Variants in ZNF571 observed in about 807,000 individuals in gnomAD.
ZNF571 encodes zinc finger protein 571.
In ZNF571, 4 loss-of-function variants were observed where a neutral mutation model predicts 7.7. The ratio of observed to expected loss-of-function variants is 0.52; its 90% CI spans 0.25 to 1.18. The LOEUF (loss-of-function observed/expected upper bound fraction) is 1.18, where lower values mean the gene tolerates loss of function less well. Among genes scored for constraint, ZNF571 ranks in the 50% most tolerant of loss-of-function variants. ZNF571 has a pLI of 0.14. For synonymous variants in ZNF571, 251 were observed against 232.4 expected (o/e 1.08, Z -0.73); for missense variants, 704 against 726.9 (o/e 0.97, Z 0.36).
chr19:37,578,925 A>G (rs1005041944), intron 3 of ZNF571, among the ~76,000 whole-genome samples: 13 of 152,110 alleles, frequency 8.5e-5, no homozygotes, highest in African/African-American at 3.1e-4. Flanking sequence ...CTAAACAGTG[A>G]AGTTCGGCAT....
In ZNF571 at chr19:37,565,622, TGAA is replaced by T; in HGVS notation, c.803_805del (p.Leu268del). The T allele has an allele frequency of 1.2e-6, 2 of 1,613,516 alleles. No individual in the cohort carries two copies. The highest frequency in any genetic ancestry group is 1.7e-6 in the Non-Finnish European group (2 of 1,179,818). On this transcript the variant is annotated inframe_deletion, in exon 4 of 4. Transcript: ENST00000451802. Reference sequence around the variant, plus strand: ...TTTTTCACCACTATGAATTCTCTGATGAAGAGTATATTGTGAACAATAACTAAA... The same window carrying T: ...TTTTTCACCACTATGAATTCTCTGATGAGTATATTGTGAACAATAACTAAA...
rs531051233 is a variant in ZNF571, at chr19:37,578,179, T to C, written c.136+5792A>G. Among the ~76,000 whole-genome samples, 5 of 152,250 alleles carry C rather than the reference T, an allele frequency of 3.3e-5. No homozygotes were observed. The South Asian group carries it at 8.3e-4, about 25-fold the overall frequency. ...CCCCACTCCCCACGGCCAGAAATAC[T>C]GTGTTCCATGAAACCAGTCCCTGGT... On this transcript the variant is annotated intron_variant, in intron 3 of 3. Coordinates refer to ENST00000451802, the MANE Select transcript of ZNF571 (RefSeq NM_016536.5).
intron 2 of ZNF571, chr19:37,585,689 A>G (rs990641605): frequency 6.6e-6 from 1 of 152,196 alleles, no homozygotes; most frequent in Non-Finnish European, 1.5e-5. Context: ...CTCATCTCTT[A>G]AACTTTCAAG....
intron 1 of ZNF571, among the ~76,000 whole-genome samples, chr19:37,587,591 TC>T (rs1428942330): frequency 7.3e-6 from 1 of 136,894 alleles, no homozygotes; most frequent in African/African-American, 2.5e-5. Flanking sequence ...GTAGCACTGA[TC>T]TTTTTTTTTT....
At chr19:37,580,055 G>T (rs1406037789) in intron 3 of ZNF571, among the ~76,000 whole-genome samples, 2 of 152,152 alleles carry the variant, frequency 1.3e-5, no homozygotes, top group African/African-American at 4.8e-5. Flanking sequence ...TATATTTACA[G>T]CACGGATAGA....
Position 37,565,560 on chromosome 19 carries a change from G to C in ZNF571, c.868C>G (p.Leu290Val). 6.2e-7 allele frequency: 1 copy of C among 1,612,730 alleles called. No individual in the cohort carries two copies. Among genetic ancestry groups the C allele is most frequent in the Non-Finnish European group, 8.5e-7 (1 of 1,179,658 alleles). ...ECKDCGKAFI[L>V]GSQLTYHQRI... ...TGATGGTAAGTAAGTTGAGAGCCAA[G>C]AATAAAGGCCTTCCCACAATCCTTA... Residue 290 changes from leucine to valine, a missense_variant, in exon 4 of 4, where the codon CTT (leucine) becomes GTT (valine). Leu to Val is a conservative substitution (Grantham distance 32, BLOSUM62 1). Transcript: ENST00000451802.
rs765301171 is a variant in ZNF571, at chr19:37,564,822, C to T, written c.1606G>A (p.Gly536Arg). 3 of 1,613,962 alleles carry T rather than the reference C, an allele frequency of 1.9e-6. No individual in the cohort carries two copies. The East Asian group carries it at 6.7e-5, about 36-fold the overall frequency. ...TGTGAGCCACGAATAAAAGCCTTCC[C>T]ACACTGTTTACATTCATAAGGTTTT... ...GEKPYECKQCGKAFIRGSHLT... is the reference protein window; with the variant it reads ...GEKPYECKQCRKAFIRGSHLT... Residue 536 changes from glycine (G) to arginine (R), a missense_variant, in exon 4 of 4, where the codon GGG becomes AGG. Coordinates refer to ENST00000451802, the MANE Select transcript of ZNF571 (RefSeq NM_016536.5).
intron 1 of ZNF571, among the ~76,000 whole-genome samples, chr19:37,591,232 C>T (rs181774731): frequency 3.3e-5 from 5 of 152,296 alleles, no homozygotes; most frequent in African/African-American, 1.2e-4. Flanking sequence ...AGAAATGGCT[C>T]ATTTCAGGGC....
intron 3 of ZNF571, among the ~76,000 whole-genome samples, chr19:37,580,669 GCT>G (rs2043424603): frequency 6.6e-6 from 1 of 152,012 alleles, no homozygotes; most frequent in African/African-American, 2.4e-5. Flanking sequence ...CTGAGCTCTC[GCT>G]CTACTAGTTC....
chr19:37,592,087 G>A (rs1354107059), intron 1 of ZNF571, among the ~76,000 whole-genome samples: 4 of 151,582 alleles, frequency 2.6e-5, no homozygotes, highest in African/African-American at 9.7e-5. Flanking sequence ...GTGAAACCCC[G>A]TCTCTACTAA....
At chr19:37,578,126 C>T (rs1196685500) in intron 3 of ZNF571, among the ~76,000 whole-genome samples, 1 of 152,132 alleles carries the variant, frequency 6.6e-6, no homozygotes, top group Non-Finnish European at 1.5e-5. Context: ...CAGTTTCATC[C>T]CCAAACCAGT....
At chr19:37,581,617 A>G (rs2043468474) in intron 3 of ZNF571, among the ~76,000 whole-genome samples, 1 of 151,986 alleles carries the variant, frequency 6.6e-6, no homozygotes, top group Non-Finnish European at 1.5e-5. Context: ...GGCATGTGAC[A>G]TAATGCCCTG....
Position 37,564,510 on chromosome 19 carries a change from A to C in ZNF571, c.*88T>G, listed in dbSNP as rs1308438841. 4 of 1,284,524 alleles carry C rather than the reference A, an allele frequency of 3.1e-6. No individual in the cohort carries two copies. The highest frequency in any genetic ancestry group is 4.1e-6 in the Non-Finnish European group (4 of 972,300). 79.6% of individuals were successfully genotyped at this position (1,284,524 alleles called of 1,614,324 possible). ...ATGTAGGCCTTCTAAGAATGAGCAG[A>C]TTCTGAGCAGAAGCAAGATGTTCTA... is the stretch of plus-strand genomic sequence containing the variant. On this transcript the variant is annotated 3_prime_UTR_variant, in exon 4 of 4. Coordinates refer to ENST00000451802, the MANE Select transcript of ZNF571 (RefSeq NM_016536.5).
intron 3 of ZNF571, chr19:37,575,719 G>C (rs911286874): frequency 6.6e-6 from 1 of 152,196 alleles, no homozygotes; most frequent in Non-Finnish European, 1.5e-5. Context: ...ACACATCACT[G>C]TGATGGTGTC....
chr19:37,574,840 G>A (rs1313814326), intron 3 of ZNF571, among the ~76,000 whole-genome samples: 1 of 152,104 alleles, frequency 6.6e-6, no homozygotes, highest in Non-Finnish European at 1.5e-5. Context: ...AGTAATCTCA[G>A]TAACAATAAA....
At position 37,565,781 on chromosome 19, in the gene ZNF571, A is replaced by C. The variant is rs750836607; in HGVS notation, c.647T>G (p.Ile216Ser). The stretch of plus-strand genomic sequence containing the variant: ...CTGATAAGGTTTTTCATTAGTATGA[A>C]TTTTCTGATGTTGAATGAGATCAGA... ...RTSDLIQHQK[I>S]HTNEKPYQCN... The change falls in exon 4 of 4, where the codon ATT becomes AGT. Residue 216 changes from isoleucine to serine, a missense_variant. Ile to Ser is a moderately radical substitution (Grantham distance 142, BLOSUM62 -2). Coordinates refer to ENST00000451802, the MANE Select transcript of ZNF571 (RefSeq NM_016536.5). The C allele has an allele frequency of 6.2e-6, 10 of 1,613,592 alleles. No individual in the cohort carries two copies. Among genetic ancestry groups the C allele is most frequent in the Non-Finnish European group, 2.5e-6 (3 of 1,179,858 alleles).
intron 1 of ZNF571, among the ~76,000 whole-genome samples, chr19:37,590,892 C>T (rs116078960): frequency 6.6e-6 from 1 of 152,236 alleles, no homozygotes; most frequent in East Asian, 1.9e-4. Flanking sequence ...AAAATGCATT[C>T]TCTATCTTAA....
At chr19:37,583,802 G>A in intron 3 of ZNF571, 169 bp downstream of exon 3, 2 of 595,516 alleles carry the variant, frequency 3.4e-6, no homozygotes, top group Non-Finnish European at 5.7e-6. Flanking sequence ...GACAGAGAAA[G>A]ATGTGACAGT....
intron 1 of ZNF571, among the ~76,000 whole-genome samples, chr19:37,593,922 T>G (rs2043941259): frequency 6.6e-6 from 1 of 151,906 alleles, no homozygotes; most frequent in Admixed American, 6.6e-5. Context: ...AAGGAAGAAA[T>G]TTGAGGTTAG....
Sources: allele counts gnomAD v4.1 joint callset (sites outside exome capture counted in the v4.1 genomes callset), GRCh38; gene constraint gnomAD v4.1.1; transcripts MANE v1.5; gene names NCBI Gene and HGNC (gene_info 2026-07-23, HGNC 2026-07-21).